LRRC4C: variants seen among roughly 807,000 people sequenced by gnomAD.
LRRC4C encodes leucine rich repeat containing 4C, also known as leucine-rich repeat-containing protein 4C.
LRRC4C carries 5 observed loss-of-function variants against 33.6 expected under a neutral mutation model. That is an observed-to-expected ratio of 0.15 (90% CI 0.08 to 0.31). The LOEUF (loss-of-function observed/expected upper bound fraction) is 0.31. Ranked by LOEUF, LRRC4C falls within the 10% of genes least tolerant of loss-of-function variation. LRRC4C has a pLI of 1.00. For synonymous variants in LRRC4C, 329 were observed against 302.0 expected, an observed-to-expected ratio of 1.09 and a Z score of -0.93; for missense variants, 560 against 796.7, an observed-to-expected ratio of 0.70 and a Z score of 3.58.
At chr11:40,765,950 A>G (rs1037615665) in intron 2 of LRRC4C, among the ~76,000 whole-genome samples, 5 of 152,050 alleles carry the variant, frequency 3.3e-5, no homozygotes, top group Non-Finnish European at 5.9e-5. Context: ...AAACCTATAG[A>G]AGGATATCAA....
At chr11:40,833,349 A>T (rs891784993) in intron 2 of LRRC4C, among the ~76,000 whole-genome samples, 6 of 152,098 alleles carry the variant, frequency 3.9e-5, no homozygotes, top group African/African-American at 1.2e-4. Context: ...TAAAATGTAA[A>T]TTTTTTTCCA....
At chr11:41,303,481 G>A (rs1230669514) in intron 1 of LRRC4C, among the ~76,000 whole-genome samples, 3 of 132,200 alleles carry the variant, frequency 2.3e-5, no homozygotes, top group Admixed American at 8.7e-5. Context: ...CCAAAGTGCC[G>A]AGATTGCAGC....
chr11:40,857,641 G>C (rs1310018401), intron 2 of LRRC4C, among the ~76,000 whole-genome samples: 1 of 152,174 alleles, frequency 6.6e-6, no homozygotes, highest in Non-Finnish European at 1.5e-5. Flanking sequence ...AATGGGCATG[G>C]TTGTGGTTCA....
intron 3 of LRRC4C, among the ~76,000 whole-genome samples, chr11:40,542,400 A>C (rs11035910): frequency 0.09 from 13,713 of 152,084 alleles, 1,774 homozygotes; most frequent in African/African-American, 0.29. Flanking sequence ...GAAGTTTTCA[A>C]AGCTGTGGCC....
At chr11:40,740,013 C>T (rs966508011) in intron 2 of LRRC4C, among the ~76,000 whole-genome samples, 3 of 151,456 alleles carry the variant, frequency 2.0e-5, no homozygotes, top group African/African-American at 4.8e-5. Context: ...ACAAATATGG[C>T]ATAATCTTAT....
intron 1 of LRRC4C, among the ~76,000 whole-genome samples, chr11:41,280,286 A>G (rs574205965): frequency 2.0e-5 from 3 of 152,334 alleles, no homozygotes; most frequent in Admixed American, 6.5e-5. Context: ...CACAGGATGG[A>G]TGAATGTGAA....
chr11:40,585,116 A>G (rs1958661668), intron 3 of LRRC4C, among the ~76,000 whole-genome samples: 1 of 152,176 alleles, frequency 6.6e-6, no homozygotes, highest in Non-Finnish European at 1.5e-5. Flanking sequence ...CTATGCAGAT[A>G]GGACCATGCA....
intron 5 of LRRC4C, among the ~76,000 whole-genome samples, chr11:40,232,484 C>T (rs996091135): frequency 7.2e-5 from 11 of 152,192 alleles, no homozygotes; most frequent in African/African-American, 2.7e-4. Context: ...GGACCATAGT[C>T]ACTTGCTAGG....
intron 3 of LRRC4C, among the ~76,000 whole-genome samples, chr11:40,457,638 T>C (rs1482539754): frequency 6.6e-6 from 1 of 150,656 alleles, no homozygotes; most frequent in African/African-American, 2.5e-5. Flanking sequence ...TTTAATAGTT[T>C]AATAGCTGCC....
intron 1 of LRRC4C, among the ~76,000 whole-genome samples, chr11:41,033,190 A>T (rs1252784348): frequency 1.3e-5 from 2 of 152,028 alleles, no homozygotes; most frequent in Non-Finnish European, 1.5e-5. Flanking sequence ...GAGGAAAAAA[A>T]ATCCTGAAGT....
intron 1 of LRRC4C, among the ~76,000 whole-genome samples, chr11:41,257,952 C>A (rs1292806855): frequency 6.6e-6 from 1 of 151,738 alleles, no homozygotes; most frequent in Non-Finnish European, 1.5e-5. Context: ...TCCATTTTTT[C>A]ATGGTGTGTT....
chr11:40,729,298 G>C lies in LRRC4C; in HGVS notation c.-406-81020C>G, dbSNP rs112226734. On this transcript the variant is annotated intron_variant, in intron 2 of 6. Transcript: ENST00000528697. The stretch of plus-strand genomic sequence containing the variant: ...CATTATTAATATTTTACAGTCATTA[G>C]GTCAAAATAAAAGTACTGAACACTA... Among the ~76,000 whole-genome samples, 1,273 of 152,172 alleles carry C rather than the reference G, an allele frequency of 8.4e-3. 17 individuals are homozygous for C. Among genetic ancestry groups the C allele is most frequent in the Non-Finnish European group, 0.013 (859 of 68,014 alleles).
intron 3 of LRRC4C, among the ~76,000 whole-genome samples, chr11:40,346,325 T>C (rs900322062): frequency 1.3e-5 from 2 of 152,008 alleles, no homozygotes; most frequent in Non-Finnish European, 1.5e-5. Context: ...ATAGACTGGA[T>C]AAAGAAAATG....
chr11:40,490,420 A>T (rs760769520), intron 3 of LRRC4C, among the ~76,000 whole-genome samples: 1 of 152,064 alleles, frequency 6.6e-6, no homozygotes, highest in Non-Finnish European at 1.5e-5. Context: ...ATGACCTCTA[A>T]TTTGGCCTTG....
chr11:40,172,051 CT>C (rs1860094210), intron 5 of LRRC4C, among the ~76,000 whole-genome samples: 10 of 152,084 alleles, frequency 6.6e-5, no homozygotes, highest in Admixed American at 6.5e-4. Flanking sequence ...AGTCCGTTTG[CT>C]TTCTTCTGCT....
At chr11:40,501,153 A>G (rs1241278711) in intron 3 of LRRC4C, among the ~76,000 whole-genome samples, 1 of 151,984 alleles carries the variant, frequency 6.6e-6, no homozygotes, top group East Asian at 1.9e-4. Flanking sequence ...GTGGGTTCCC[A>G]TGGAACCCAC....
chr11:41,235,806 C>G (rs1258197074), intron 1 of LRRC4C, among the ~76,000 whole-genome samples: 4 of 152,052 alleles, frequency 2.6e-5, no homozygotes, highest in Admixed American at 2.6e-4. Context: ...TGTTCTGCCT[C>G]CCAGGGGAGT....
At chr11:40,182,027 CTT>C (rs1861047990) in intron 5 of LRRC4C, among the ~76,000 whole-genome samples, 1 of 152,152 alleles carries the variant, frequency 6.6e-6, no homozygotes, top group Non-Finnish European at 1.5e-5. Context: ...CCCTCTCTCT[CTT>C]ATTAAGAAAG....
At chr11:40,616,950 C>A (rs991684646) in intron 3 of LRRC4C, among the ~76,000 whole-genome samples, 10 of 150,766 alleles carry the variant, frequency 6.6e-5, no homozygotes, top group Non-Finnish European at 8.9e-5. Flanking sequence ...AAGAGAATAT[C>A]ATGTTTTATT....
Sources: gnomAD v4.1 joint callset for allele counts (sites outside exome capture counted in the v4.1 genomes callset) on GRCh38, gnomAD v4.1.1 for gene constraint, MANE v1.5 for transcripts, NCBI Gene and HGNC (gene_info 2026-07-23, HGNC 2026-07-21) for gene names.